BCAT1: variants seen among roughly 807,000 people sequenced by gnomAD.
BCAT1 encodes the protein branched-chain-amino-acid aminotransferase, cytosolic.
Under a neutral mutation model 52.4 loss-of-function variants are expected in BCAT1, and 48 were observed. The ratio of observed to expected loss-of-function variants is 0.92; its 90% CI spans 0.73 to 1.16. The LOEUF is 1.16. BCAT1 is among the 50% of genes most tolerant of loss of function. The pLI, the probability that BCAT1 is intolerant of heterozygous loss-of-function variation, is 0.00. For missense variants in BCAT1, 451 were observed against 457.1 expected (o/e 0.99, Z 0.12); for synonymous variants, 167 against 161.3 (o/e 1.04, Z -0.27).
intron 1 of BCAT1, among the ~76,000 whole-genome samples, chr12:24,906,044 CCGGGCT>C (rs1234718311): frequency 1.3e-5 from 2 of 151,444 alleles, no homozygotes; most frequent in Admixed American, 6.6e-5. Context: ...CAAAAATTAG[CCGGGCT>C]CGGTGGCATG....
At chr12:24,898,886 T>A (rs1299009882) in intron 2 of BCAT1, among the ~76,000 whole-genome samples, 2 of 152,222 alleles carry the variant, frequency 1.3e-5, no homozygotes, top group African/African-American at 4.8e-5. Flanking sequence ...TTTTCAAAAA[T>A]CAAGTCTGTA....
chr12:24,887,080 A>AAATATATATATAT (rs1245203518), intron 3 of BCAT1, among the ~76,000 whole-genome samples: 3 of 40,748 alleles, frequency 7.4e-5, no homozygotes, highest in Non-Finnish European at 1.6e-4. Context: ...AAAAAAAAAA[A>AAATATATATATAT]ATATATATAT....
chr12:24,848,232 T>A (rs1941402331), intron 6 of BCAT1, among the ~76,000 whole-genome samples: 1 of 152,204 alleles, frequency 6.6e-6, no homozygotes, highest in Admixed American at 6.5e-5. Context: ...TAGAGTACTT[T>A]TAGATTCACA....
chr12:24,877,394 T>C (rs1213463573), intron 5 of BCAT1, among the ~76,000 whole-genome samples: 2 of 152,154 alleles, frequency 1.3e-5, no homozygotes, highest in Admixed American at 6.5e-5. Context: ...CAGAGACAGG[T>C]GACAGGGTCT....
rs1339016416 is a variant in BCAT1, at chr12:24,814,112, A to G, written c.*3896T>C. On this transcript the variant is annotated 3_prime_UTR_variant, in exon 11 of 11. Coordinates refer to ENST00000261192, the MANE Select transcript of BCAT1 (RefSeq NM_005504.7). ...TCTACATGTGGCGAAACAAAGTGACAGTTGTTATAAAATGTCTACTAAAAT... is the reference window on the plus strand; with the variant it reads ...TCTACATGTGGCGAAACAAAGTGACGGTTGTTATAAAATGTCTACTAAAAT... 6.6e-6 allele frequency: 1 copy of G among 152,138 alleles called. No homozygotes were observed. Among genetic ancestry groups the G allele is most frequent in the Non-Finnish European group, 1.5e-5 (1 of 67,974 alleles). The allele number at this position is 152,138 out of a possible 1,614,324, so 9.4% of individuals were successfully genotyped here. A position where few individuals can be genotyped will look rare whatever the true frequency, so the allele number is the denominator to read the frequency against.
At chr12:24,835,224 C>T (rs1032727760) in intron 8 of BCAT1, among the ~76,000 whole-genome samples, 13 of 152,336 alleles carry the variant, frequency 8.5e-5, no homozygotes, top group South Asian at 4.1e-4. Context: ...ATGCCCAATG[C>T]GCCAGCCAGC....
rs762035727 is a variant in BCAT1 at position 24,881,365 on chromosome 12, C to T, written c.326G>A (p.Arg109Gln). ...KAFRGVDNKI[R>Q]LFQPNLNMDR... ...CATGTTGAGGTTTGGCTGAAACAGTCGAATTTTATTATCTACTCCTCGAAA... is the reference window on the plus strand; with the variant it reads ...CATGTTGAGGTTTGGCTGAAACAGTTGAATTTTATTATCTACTCCTCGAAA... Residue 109 changes from arginine (R) to glutamine (Q), a missense_variant, in exon 4 of 11, where the codon CGA (arginine) becomes CAA (glutamine). Physicochemically the swap from Arg to Gln is conservative, Grantham distance 43. Transcript: ENST00000261192. 10 of 1,613,166 alleles carry T rather than the reference C, an allele frequency of 6.2e-6. No homozygotes were observed. Among genetic ancestry groups the T allele is most frequent in the African/African-American group, 2.7e-5 (2 of 74,872 alleles).
chr12:24,942,166 C>A (rs1943859843), intron 1 of BCAT1, among the ~76,000 whole-genome samples: 1 of 152,062 alleles, frequency 6.6e-6, no homozygotes, highest in Non-Finnish European at 1.5e-5. Flanking sequence ...GTATGCAGGG[C>A]AATGGGAAAG....
chr12:24,854,627 A>C (rs1035773462), intron 5 of BCAT1, among the ~76,000 whole-genome samples: 1 of 152,212 alleles, frequency 6.6e-6, no homozygotes, highest in Admixed American at 6.5e-5. Context: ...GCTTGCTGAA[A>C]GATCAAAAAA....
At chr12:24,844,668 C>T (rs546457134) in intron 6 of BCAT1, among the ~76,000 whole-genome samples, 3 of 146,884 alleles carry the variant, frequency 2.0e-5, no homozygotes, top group African/African-American at 5.0e-5. Context: ...GGAGGCGAGA[C>T]GGCCGGATCA....
intron 8 of BCAT1, 70 bp downstream of exon 8, chr12:24,836,441 C>A: frequency 7.6e-7 from 1 of 1,321,604 alleles, no homozygotes; most frequent in African/African-American, 1.5e-5. Flanking sequence ...TATTTCAACA[C>A]TAGGCTGGGC....
chr12:24,854,986 C>T (rs1157974663), intron 5 of BCAT1, among the ~76,000 whole-genome samples: 3 of 152,060 alleles, frequency 2.0e-5, no homozygotes, highest in Admixed American at 1.3e-4. Context: ...GAGTGCCCCC[C>T]GCCCCTGAGC....
chr12:24,818,199 TG>T, intron 10 of BCAT1, 150 bp from the exon 11 acceptor site: 1 of 725,884 alleles, frequency 1.4e-6, no homozygotes, highest in Non-Finnish European at 2.3e-6. Context: ...CATTAAAAAC[TG>T]GATTAGAGAG....
chr12:24,843,204 TTAC>T (rs1176846761), intron 6 of BCAT1, among the ~76,000 whole-genome samples: 14 of 204 alleles, frequency 0.069, no homozygotes, highest in South Asian at 0.2. Flanking sequence ...AACTCCTACA[TTAC>T]ATTACATTAC....
At chr12:24,839,349 C>T (rs941475423) in intron 7 of BCAT1, among the ~76,000 whole-genome samples, 4 of 152,086 alleles carry the variant, frequency 2.6e-5, no homozygotes, top group Admixed American at 1.3e-4. Context: ...CTGACGTGTC[C>T]GAGAAGACTC....
At chr12:24,894,902 T>A (rs183336704) in intron 2 of BCAT1, among the ~76,000 whole-genome samples, 2 of 152,382 alleles carry the variant, frequency 1.3e-5, no homozygotes, top group African/African-American at 4.8e-5. Flanking sequence ...ACTGAACTGC[T>A]ATTTAGCAAT....
At chr12:24,937,671 C>T (rs1943782949) in intron 1 of BCAT1, among the ~76,000 whole-genome samples, 1 of 152,146 alleles carries the variant, frequency 6.6e-6, no homozygotes, top group Admixed American at 6.5e-5. Flanking sequence ...GGCTGTGAGT[C>T]ACCATGCCCC....
chr12:24,832,408 C>A (rs896020815), intron 9 of BCAT1, among the ~76,000 whole-genome samples: 16 of 151,802 alleles, frequency 1.1e-4, no homozygotes, highest in African/African-American at 2.4e-4. Context: ...ACAAAAACAA[C>A]AACAAAAAAG....
At chr12:24,928,928 G>T (rs567092798) in intron 1 of BCAT1, among the ~76,000 whole-genome samples, 167 of 151,512 alleles carry the variant, frequency 1.1e-3, no homozygotes, top group African/African-American at 3.2e-3. Context: ...TTATTTTATT[G>T]TATTGTATTT....
Sources: gnomAD v4.1 joint callset for allele counts (sites outside exome capture counted in the v4.1 genomes callset) on GRCh38, gnomAD v4.1.1 for gene constraint, MANE v1.5 for transcripts, NCBI Gene and HGNC (gene_info 2026-07-23, HGNC 2026-07-21) for gene names.